UROS: variants seen among roughly 807,000 people sequenced by gnomAD.
UROS encodes uroporphyrinogen-III synthase.
Under a neutral mutation model 33.0 loss-of-function variants are expected in UROS, and 18 were observed. The observed-to-expected ratio is 0.55, with a 90% CI of 0.38 to 0.81. UROS has a LOEUF of 0.81. UROS is among the 30% of genes least tolerant of loss of function. UROS has a pLI of 0.00. For synonymous variants in UROS, 114 were observed against 121.1 expected, an observed-to-expected ratio of 0.94 and a Z score of 0.38; for missense variants, 293 against 314.9, an observed-to-expected ratio of 0.93 and a Z score of 0.53.
At chr10:125,798,525 C>A (rs1423384350) in intron 6 of UROS, among the ~76,000 whole-genome samples, 1 of 152,214 alleles carries the variant, frequency 6.6e-6, no homozygotes, top group Non-Finnish European at 1.5e-5. Flanking sequence ...TGCTGACTGG[C>A]ACTGGGGCAA....
At chr10:125,789,355 G>T in intron 9 of UROS, 2 of 1,224,772 alleles carry the variant, frequency 1.6e-6, no homozygotes, top group Non-Finnish European at 2.1e-6. Flanking sequence ...GGTGTTGGGG[G>T]CCCTGGGTCT....
chr10:125,810,986 A>T (rs1285289321), intron 5 of UROS, among the ~76,000 whole-genome samples: 1 of 152,236 alleles, frequency 6.6e-6, no homozygotes, highest in Non-Finnish European at 1.5e-5. Context: ...GACTGAGTCC[A>T]GTGAGTGCCT....
At chr10:125,817,053 T>G (rs985905265) in intron 1 of UROS, among the ~76,000 whole-genome samples, 8 of 152,148 alleles carry the variant, frequency 5.3e-5, no homozygotes, top group African/African-American at 1.9e-4. Context: ...ATACTTCATC[T>G]TCTTTCTTCC....
At chr10:125,822,619 G>A (rs1325189550) in intron 1 of UROS, among the ~76,000 whole-genome samples, 2 of 152,034 alleles carry the variant, frequency 1.3e-5, no homozygotes, top group Admixed American at 6.5e-5. Flanking sequence ...CACCACGCCC[G>A]GCTAATTTTT....
At chr10:125,807,203 T>C in intron 6 of UROS, 1 of 594,850 alleles carries the variant, frequency 1.7e-6, no homozygotes, top group Non-Finnish European at 3.0e-6. Context: ...AGTTCTTTGG[T>C]ACAGGGGGTA....
At chr10:125,796,282 A>G (rs749321148) in intron 7 of UROS, 94 bp from the exon 8 acceptor site, 3 of 1,214,168 alleles carry the variant, frequency 2.5e-6, no homozygotes, top group Non-Finnish European at 3.7e-6. Flanking sequence ...ACCTCCCAAT[A>G]CAGCACCACC....
At chr10:125,786,821 C>G (rs1850645624), downstream of UROS, among the ~76,000 whole-genome samples, 1 of 152,204 alleles carries the variant, frequency 6.6e-6, no homozygotes, top group Admixed American at 6.5e-5. Context: ...TGAGTAATTA[C>G]AGATCTTACC....
rs755309979 is a variant in UROS at position 125,816,453 on chromosome 10, T to C, written c.47A>G (p.Gln16Arg). 5.0e-6 allele frequency: 8 copies of C among 1,614,224 alleles called. No homozygotes were observed. The highest frequency in any genetic ancestry group is 1.7e-4 in the Middle Eastern group (1 of 6,058). ...LKDAKEDDCG[Q>R]DPYIRELGLY... ...GCCACTTACCCTGATATACGGATCC[T>C]GGCCACAGTCATCTTCCTTCGCATC... Residue 16 changes from glutamine (Q) to arginine (R), a missense_variant, in exon 2 of 10, where the codon CAG becomes CGG. Physicochemically the swap from Gln to Arg is conservative, Grantham distance 43. Coordinates refer to ENST00000368797, the MANE Select transcript of UROS (RefSeq NM_000375.3).
downstream of UROS, among the ~76,000 whole-genome samples, chr10:125,786,612 C>G (rs1304808379): frequency 6.6e-6 from 1 of 152,162 alleles, no homozygotes; most frequent in Non-Finnish European, 1.5e-5. Context: ...CCTCAGATTC[C>G]TGGGAGATCA....
intron 9 of UROS, among the ~76,000 whole-genome samples, chr10:125,790,121 C>T (rs1193077946): frequency 6.6e-6 from 1 of 152,198 alleles, no homozygotes; most frequent in Non-Finnish European, 1.5e-5. Flanking sequence ...CTTCCTCCGG[C>T]TGAGTCAGAA....
chr10:125,820,994 G>A (rs1399126691), intron 1 of UROS, among the ~76,000 whole-genome samples: 1 of 152,088 alleles, frequency 6.6e-6, no homozygotes, highest in African/African-American at 2.4e-5. Context: ...CTAATCTGAG[G>A]GCATAAAGTA....
intron 9 of UROS, chr10:125,789,244 T>C (rs1015169680): frequency 1.2e-5 from 17 of 1,428,612 alleles, no homozygotes; most frequent in Non-Finnish European, 1.6e-5. Context: ...CAGGCTCAGG[T>C]GAGGGGCAGG....
chr10:125,794,553 A>C (rs1473145357), intron 9 of UROS, among the ~76,000 whole-genome samples: 1 of 152,218 alleles, frequency 6.6e-6, no homozygotes, highest in Non-Finnish European at 1.5e-5. Flanking sequence ...GGATGTTAAC[A>C]CCTGTACCAA....
At position 125,816,573 on chromosome 10, in the gene UROS, TC is replaced by T. The variant is rs2133950268; in HGVS notation, c.-26-49del. 32 of 1,588,334 alleles carry T rather than the reference TC, an allele frequency of 2.0e-5. No homozygotes were observed. The South Asian group carries it at 3.1e-4, about 15-fold the overall frequency. On this transcript the variant is annotated intron_variant, in intron 1 of 9. Transcript: ENST00000368797. Reference sequence around the variant, plus strand: ...ATCTTAATTAGATCTCAAAGACTCTTCCTAAGCAATTTCCGATGGGGACGGT... The same window carrying T: ...ATCTTAATTAGATCTCAAAGACTCTTCTAAGCAATTTCCGATGGGGACGGT...
Position 125,823,058 on chromosome 10 carries a change from G to C in UROS, c.-56C>G, listed in dbSNP as rs1854141542. The stretch of plus-strand genomic sequence containing the variant: ...CGGGACCGTGCCCAGCACCCGGCCT[G>C]GCACACAGCGGGCACCCGGTCGGGG... On this transcript the variant is annotated 5_prime_UTR_variant, in exon 1 of 10. Coordinates refer to ENST00000368797, the MANE Select transcript of UROS (RefSeq NM_000375.3). The C allele has an allele frequency of 6.5e-6, 1 of 153,604 alleles. No homozygotes were observed. Among genetic ancestry groups the C allele is most frequent in the Admixed American group, 6.5e-5 (1 of 15,290 alleles). The allele number at this position is 153,604 out of a possible 1,614,324, so 9.5% of individuals were successfully genotyped here.
At chr10:125,796,997 T>C (rs750849843) in intron 7 of UROS, 13 of 381,884 alleles carry the variant, frequency 3.4e-5, no homozygotes, top group Non-Finnish European at 4.7e-5. Context: ...TATTATTTCT[T>C]TAAGGGTAAC....
intron 1 of UROS, among the ~76,000 whole-genome samples, chr10:125,819,537 A>G (rs561335689): frequency 4.5e-4 from 69 of 152,172 alleles, no homozygotes; most frequent in Non-Finnish European, 2.6e-4. Context: ...CCTGCTTACT[A>G]AACAACCCCC....
At chr10:125,802,418 C>T (rs946631927) in intron 6 of UROS, 1 of 985,736 alleles carries the variant, frequency 1.0e-6, no homozygotes, top group Non-Finnish European at 1.2e-6. Context: ...TGACCCCCAG[C>T]AATCCAGTCT....
chr10:125,800,982 C>A (rs118175032), intron 6 of UROS, among the ~76,000 whole-genome samples: 1 of 152,152 alleles, frequency 6.6e-6, no homozygotes, highest in South Asian at 2.1e-4. Flanking sequence ...AATTAAGGAG[C>A]AAAAAGTCCT....
Sources: gnomAD v4.1 joint callset for allele counts (sites outside exome capture counted in the v4.1 genomes callset) on GRCh38, gnomAD v4.1.1 for gene constraint, MANE v1.5 for transcripts, NCBI Gene and HGNC (gene_info 2026-07-23, HGNC 2026-07-21) for gene names.